The following RPGRIP1L variants were observed in gnomAD, a reference collection of about 807,000 sequenced individuals.
RPGRIP1L encodes the protein protein fantom.
RPGRIP1L carries 131 observed loss-of-function variants against 160.4 expected under a neutral mutation model. The ratio of observed to expected loss-of-function variants is 0.82; its 90% confidence interval spans 0.71 to 0.94. RPGRIP1L has a LOEUF of 0.94. RPGRIP1L is among the 40% of genes least tolerant of loss of function. RPGRIP1L has a pLI of 0.00. For synonymous variants in RPGRIP1L, 510 were observed against 515.8 expected (o/e 0.99, Z 0.15); for missense variants, 1,522 against 1,535.8 (o/e 0.99, Z 0.15).
intron 3 of RPGRIP1L, chr16:53,693,605 T>A (rs1267415978): frequency 6.6e-6 from 1 of 152,214 alleles, no homozygotes; most frequent in Non-Finnish European, 1.5e-5. Flanking sequence ...TTATAAAGGA[T>A]ACAGGATAAT....
chr16:53,617,887 AG>A (rs1964477662), intron 24 of RPGRIP1L, among the ~76,000 whole-genome samples: 2 of 152,310 alleles, frequency 1.3e-5, no homozygotes, highest in Admixed American at 1.3e-4. Context: ...AAGATTAGTG[AG>A]GAAAAAAATA....
chr16:53,667,991 G>A (rs762341876), intron 9 of RPGRIP1L, among the ~76,000 whole-genome samples: 4 of 152,036 alleles, frequency 2.6e-5, no homozygotes, highest in South Asian at 2.1e-4. Flanking sequence ...CCAGGAGGTC[G>A]AGATTGCAGT....
intron 5 of RPGRIP1L, among the ~76,000 whole-genome samples, chr16:53,686,872 A>G (rs1240338608): frequency 2.0e-5 from 3 of 152,188 alleles, no homozygotes; most frequent in African/African-American, 7.2e-5. Flanking sequence ...GTATGCCACA[A>G]TCTGGTCTTC....
intron 25 of RPGRIP1L, among the ~76,000 whole-genome samples, chr16:53,607,055 G>C (rs1463153551): frequency 6.6e-6 from 1 of 152,116 alleles, no homozygotes; most frequent in Non-Finnish European, 1.5e-5. Flanking sequence ...TAAGATGGAG[G>C]GATTAAGATG....
rs1294676463 is a variant in RPGRIP1L, at chr16:53,698,203, C to T, written c.86-1908G>A. Among the ~76,000 whole-genome samples, 6 of 151,958 alleles carry T rather than the reference C, an allele frequency of 3.9e-5. No individual in the cohort carries two copies. The East Asian group carries it at 5.9e-4, about 15-fold the overall frequency. Reference sequence around the variant, plus strand: ...CTGAGAAGTGAGGAGCCCCTCCGCCCGGCAGCCACCCCGTCTGGGAAGTGA... The same window carrying T: ...CTGAGAAGTGAGGAGCCCCTCCGCCTGGCAGCCACCCCGTCTGGGAAGTGA... On this transcript the variant is annotated intron_variant, in intron 2 of 26. Transcript: ENST00000647211.
intron 22 of RPGRIP1L, among the ~76,000 whole-genome samples, chr16:53,623,040 T>C (rs1309858423): frequency 6.6e-6 from 1 of 152,120 alleles, no homozygotes; most frequent in African/African-American, 2.4e-5. Flanking sequence ...AACCACTCAA[T>C]GATTCACTGA....
chr16:53,678,137 CT>C (rs34212430), intron 6 of RPGRIP1L, among the ~76,000 whole-genome samples: 43 of 143,186 alleles, frequency 3.0e-4, no homozygotes, highest in South Asian at 6.7e-4. Flanking sequence ...TTTCTCTTTC[CT>C]TTTTTTTTTT....
At chr16:53,602,990 G>C (rs1963461169) in intron 26 of RPGRIP1L, among the ~76,000 whole-genome samples, 1 of 152,202 alleles carries the variant, frequency 6.6e-6, no homozygotes, top group African/African-American at 2.4e-5. Flanking sequence ...AGAATCTTAA[G>C]ATCTGTGGGT....
chr16:53,621,412 C>T (rs1406468351), intron 23 of RPGRIP1L, among the ~76,000 whole-genome samples: 1 of 149,848 alleles, frequency 6.7e-6, no homozygotes, highest in Admixed American at 6.7e-5. Flanking sequence ...TTTATGATGT[C>T]TATCTTATTT....
At chr16:53,677,909 C>G (rs2151275250) in intron 6 of RPGRIP1L, among the ~76,000 whole-genome samples, 1 of 152,262 alleles carries the variant, frequency 6.6e-6, no homozygotes, top group East Asian at 1.9e-4. Flanking sequence ...TGATGACATT[C>G]TAACAGAAAG....
chr16:53,651,156 A>G (rs757592010), intron 15 of RPGRIP1L, among the ~76,000 whole-genome samples: 20 of 152,122 alleles, frequency 1.3e-4, no homozygotes, highest in Non-Finnish European at 2.2e-4. Context: ...AGTTTTCCCT[A>G]TCTCAGTAAA....
At chr16:53,695,346 G>A in intron 3 of RPGRIP1L, 1 of 702,966 alleles carries the variant, frequency 1.4e-6, no homozygotes, top group South Asian at 1.5e-5. Flanking sequence ...ATGCCAGTGG[G>A]TTGTTGAAGT....
At chr16:53,647,871 T>G (rs1055237808) in intron 16 of RPGRIP1L, among the ~76,000 whole-genome samples, 2 of 152,076 alleles carry the variant, frequency 1.3e-5, no homozygotes, top group East Asian at 3.9e-4. Flanking sequence ...TTTGGGAGGC[T>G]GAGGCGGGTG....
intron 6 of RPGRIP1L, among the ~76,000 whole-genome samples, chr16:53,684,378 T>C (rs1445696144): frequency 6.6e-6 from 1 of 152,048 alleles, no homozygotes; most frequent in East Asian, 1.9e-4. Flanking sequence ...ATTAAGAAAA[T>C]GTGGCACATA....
rs2151128187 is a variant in RPGRIP1L at position 53,652,930 on chromosome 16, A to G, written c.1757T>C (p.Met586Thr). The change falls in exon 15 of 27, where the codon ATG (methionine) becomes ACG (threonine). Residue 586 changes from methionine (M) to threonine (T), a missense_variant. Physicochemically the swap from Met to Thr is moderately conservative, Grantham distance 81. Coordinates refer to ENST00000647211, the MANE Select transcript of RPGRIP1L (RefSeq NM_015272.5). ...TKQYKFKPEI[M>T]PDDSVDEFDE... ...AAATTCATCAACAGAGTCATCTGGCATGATTTCTGGTTTAAATTTGTACTG... is the reference window on the plus strand; with the variant it reads ...AAATTCATCAACAGAGTCATCTGGCGTGATTTCTGGTTTAAATTTGTACTG... 1 of 1,613,666 alleles carries G rather than the reference A, an allele frequency of 6.2e-7. No individual in the cohort carries two copies. The highest frequency in any genetic ancestry group is 8.5e-7 in the Non-Finnish European group (1 of 1,179,930).
At chr16:53,641,247 T>G (rs1369664712) in intron 18 of RPGRIP1L, 38 bp downstream of exon 18, 1 of 1,595,446 alleles carries the variant, frequency 6.3e-7, no homozygotes, top group Non-Finnish European at 8.6e-7. Context: ...ATTCAAAATT[T>G]TATACTTGTA....
intron 16 of RPGRIP1L, among the ~76,000 whole-genome samples, chr16:53,647,026 A>G (rs1300429392): frequency 6.6e-6 from 1 of 152,166 alleles, no homozygotes; most frequent in African/African-American, 2.4e-5. Flanking sequence ...ACCAGAGCTG[A>G]AATTCCACCA....
Position 53,658,467 on chromosome 16 carries a change from G to A in RPGRIP1L, c.1351-3C>T. ...TCATCAGCATTAATATCATTCTCCT[G>A]CAATAGATTAAGTAAAAGCTCACAA... is the stretch of plus-strand genomic sequence containing the variant. On this transcript the variant is annotated splice_polypyrimidine_tract_variant and splice_region_variant and intron_variant, in intron 11 of 26. Transcript: ENST00000647211. 6.2e-7 allele frequency: 1 copy of A among 1,603,060 alleles called. No individual in the cohort carries two copies. The highest frequency in any genetic ancestry group is 2.2e-5 in the East Asian group (1 of 44,672).
In RPGRIP1L at chr16:53,698,915, A is replaced by T. The variant is rs188473526; in HGVS notation, c.85+1724T>A. ...CCCAACAGCTCATTGAGAATGGGCC[A>T]TGATGACAATGGTGGTTTTGTGGAA... On this transcript the variant is annotated intron_variant, in intron 2 of 26. Coordinates refer to ENST00000647211, the MANE Select transcript of RPGRIP1L (RefSeq NM_015272.5). 2.0e-3 allele frequency among the ~76,000 whole-genome samples: 307 copies of T among 152,336 alleles called. 2 individuals are homozygous for T. Among genetic ancestry groups the T allele is most frequent in the African/African-American group, 7.0e-3 (290 of 41,582 alleles).
Sources: gnomAD v4.1 joint callset for allele counts (sites outside exome capture counted in the v4.1 genomes callset) on GRCh38, gnomAD v4.1.1 for gene constraint, MANE v1.5 for transcripts, NCBI Gene and HGNC (gene_info 2026-07-23, HGNC 2026-07-21) for gene names.